PELP1: variants seen among roughly 807,000 people sequenced by gnomAD.
PELP1 encodes proline, glutamate and leucine rich protein 1.
In PELP1, 32 loss-of-function variants were observed where a neutral mutation model predicts 95.5. That is an observed-to-expected ratio of 0.34 (90% CI 0.25 to 0.45). PELP1 has a LOEUF of 0.45. Among genes scored for constraint, PELP1 ranks in the 20% least tolerant of loss-of-function variants. The probability of loss-of-function intolerance (pLI) is 1.00; values close to 1 mark genes in which losing one functional copy is unlikely to be tolerated. For missense variants in PELP1, 1,358 were observed against 1,444.8 expected, an observed-to-expected ratio of 0.94 and a Z score of 0.97; for synonymous variants, 668 against 600.1, an observed-to-expected ratio of 1.11 and a Z score of -1.65.
rs1912228209 is a variant in PELP1 at position 4,672,031 on chromosome 17, G to A, written c.2960C>T (p.Pro987Leu). ...CACCTTTGGGGGAGACTCAGGGGGA[G>A]GCAGAGCTGGAGGCAGGGTTGGGGG... ...PPPPTLPPAL[P>L]PPESPPKVQP... is the part of the protein sequence containing the mutation. The change falls in exon 16 of 17, where the codon CCT (proline) becomes CTT (leucine). Residue 987 changes from proline (P) to leucine (L), a missense_variant. Physicochemically the swap from Pro to Leu is moderately conservative, Grantham distance 98. Transcript: ENST00000572293. 1.9e-6 allele frequency: 3 copies of A among 1,567,342 alleles called. No homozygotes were observed. Among genetic ancestry groups the A allele is most frequent in the Admixed American group, 1.8e-5 (1 of 54,850 alleles).
chr17:4,682,807 G>A lies in PELP1; in HGVS notation c.566C>T (p.Pro189Leu), dbSNP rs759722817. The A allele has an allele frequency of 6.3e-7, 1 of 1,576,608 alleles. No individual in the cohort carries two copies. Among genetic ancestry groups the A allele is most frequent in the Admixed American group, 1.9e-5 (1 of 53,724 alleles). ...GGGTCCAGGGAGACATCTCACCTCT[G>A]GCCTGAGGCCCAGCAGGGAGGTGAG... Reference protein sequence around the residue: ...GLLTSLLGLRPECEQSALEGM... With the variant: ...GLLTSLLGLRLECEQSALEGM... Residue 189 changes from proline (P) to leucine (L), a missense_variant, in exon 4 of 17, where the codon CCA becomes CTA. Pro to Leu is a moderately conservative substitution (Grantham distance 98). Coordinates refer to ENST00000572293, the MANE Select transcript of PELP1 (RefSeq NM_014389.3).
intron 3 of PELP1, among the ~76,000 whole-genome samples, chr17:4,688,525 T>G (rs980210603): frequency 6.6e-6 from 1 of 152,104 alleles, no homozygotes; most frequent in African/African-American, 2.4e-5. Flanking sequence ...TGTATACACA[T>G]CAGCAGCACT....
At position 4,672,901 on chromosome 17, in the gene PELP1, G is replaced by A. The variant is rs558960670; in HGVS notation, c.2090C>T (p.Ser697Leu). The A allele has an allele frequency of 4.5e-5, 73 of 1,613,530 alleles. No individual in the cohort carries two copies. The highest frequency in any genetic ancestry group is 6.0e-5 in the Non-Finnish European group (71 of 1,179,720). The change falls in exon 16 of 17, where the codon TCG (serine) becomes TTG (leucine). Residue 697 changes from serine (S) to leucine (L), a missense_variant. Physicochemically the swap from Ser to Leu is moderately radical, Grantham distance 145. Transcript: ENST00000572293. ...TGTGGTGGGAGGTCCAGGGCGTGCC[G>A]AGGGCACAGGGCCTGCTGAGGGCAT... Reference protein sequence around the residue: ...GPMPSAGPVPSARPGPPTTAN... With the variant: ...GPMPSAGPVPLARPGPPTTAN...
chr17:4,676,831 A>G lies in PELP1; in HGVS notation c.643-19T>C. The G allele has an allele frequency of 2.6e-6, 4 of 1,552,982 alleles. No homozygotes were observed. Among genetic ancestry groups the G allele is most frequent in the South Asian group, 1.2e-5 (1 of 84,246 alleles). On this transcript the variant is annotated intron_variant, in intron 5 of 16. Transcript: ENST00000572293. ...GCTTGCCCTGGATGTGGAGGAAAAAAGGAAGAGGCCAGTGAGCCAGCTCTG... is the reference window on the plus strand; with the variant it reads ...GCTTGCCCTGGATGTGGAGGAAAAAGGGAAGAGGCCAGTGAGCCAGCTCTG...
At chr17:4,696,904 A>G (rs1189295584) in intron 1 of PELP1, 1 of 152,150 alleles carries the variant, frequency 6.6e-6, no homozygotes, top group Non-Finnish European at 1.5e-5. Flanking sequence ...CTAATGCAGG[A>G]GGAGCAGGTT....
Position 4,675,202 on chromosome 17 carries a change from C to T in PELP1, c.1158-7G>A. On this transcript the variant is annotated splice_polypyrimidine_tract_variant and splice_region_variant and intron_variant, in intron 10 of 16. Coordinates refer to ENST00000572293, the MANE Select transcript of PELP1 (RefSeq NM_014389.3). The surrounding 1 kb of genome is among the most constrained non-coding windows in gnomAD (Gnocchi z 4.3). Reference sequence around the variant, plus strand: ...CAAGAGCCGGCTTCCACACCTGGGGCAGAGAAGGAATGGTGACCCTCGTTT... The same window carrying T: ...CAAGAGCCGGCTTCCACACCTGGGGTAGAGAAGGAATGGTGACCCTCGTTT... 6.2e-7 allele frequency: 1 copy of T among 1,612,682 alleles called. No individual in the cohort carries two copies. Among genetic ancestry groups the T allele is most frequent in the Non-Finnish European group, 8.5e-7 (1 of 1,179,376 alleles).
At chr17:4,686,783 G>C (rs1171954822) in intron 3 of PELP1, among the ~76,000 whole-genome samples, 4 of 152,170 alleles carry the variant, frequency 2.6e-5, no homozygotes, top group Non-Finnish European at 5.9e-5. Context: ...CTCCCAAACT[G>C]CTGGGATTAC....
chr17:4,671,631 C>T (rs1477499766), intron 16 of PELP1, 60 bp downstream of exon 16: 30 of 1,600,644 alleles, frequency 1.9e-5, no homozygotes, highest in Middle Eastern at 3.3e-4. Context: ...GCAGCTGCCA[C>T]CCCTTCTCCC....
At chr17:4,702,778 T>C (rs1913594022) in intron 1 of PELP1, among the ~76,000 whole-genome samples, 1 of 152,136 alleles carries the variant, frequency 6.6e-6, no homozygotes, top group Admixed American at 6.6e-5. Flanking sequence ...TTTATGGGTC[T>C]TGAAGGATGG....
chr17:4,697,928 G>T (rs1913357391), intron 1 of PELP1, among the ~76,000 whole-genome samples: 1 of 149,024 alleles, frequency 6.7e-6, no homozygotes, highest in Non-Finnish European at 1.5e-5. Context: ...TAACAGTGAA[G>T]AAATCTGGCA....
chr17:4,671,614 A>G, intron 16 of PELP1, 77 bp downstream of exon 16: 1 of 1,602,760 alleles, frequency 6.2e-7, no homozygotes, highest in Non-Finnish European at 8.5e-7. Context: ...AACCTCTCCT[A>G]AGAGAAGCAG....
At position 4,671,810 on chromosome 17, in the gene PELP1, G is replaced by A. The variant is rs578076890; in HGVS notation, c.3181C>T (p.Pro1061Ser). The A allele has an allele frequency of 1.3e-6, 2 of 1,514,750 alleles. No homozygotes were observed. The highest frequency in any genetic ancestry group is 1.4e-5 in the African/African-American group (1 of 71,654). The allele number at this position is 1,514,750 out of a possible 1,614,324, so 93.8% of individuals were successfully genotyped here. ...QELVEEEPSA[P>S]PTLLEEETED... ...GTCTCCTCTTCCAACAGGGTTGGGGGAGCAGAGGGCTCTTCTTCAACAAGC... is the reference window on the plus strand; with the variant it reads ...GTCTCCTCTTCCAACAGGGTTGGGGAAGCAGAGGGCTCTTCTTCAACAAGC... Residue 1061 changes from proline (P) to serine (S), a missense_variant, in exon 16 of 17, where the codon CCC becomes TCC. Coordinates refer to ENST00000572293, the MANE Select transcript of PELP1 (RefSeq NM_014389.3).
rs758804843 is a variant in PELP1, at chr17:4,676,155, C to T, written c.861G>A (p.Val287=). 6.2e-7 allele frequency: 1 copy of T among 1,613,880 alleles called. No homozygotes were observed. The highest frequency in any genetic ancestry group is 1.1e-5 in the South Asian group (1 of 91,070). The change falls in exon 8 of 17, where the codon GTG becomes GTA. Residue 287 remains valine, a synonymous_variant. Coordinates refer to ENST00000572293, the MANE Select transcript of PELP1 (RefSeq NM_014389.3). ...TCTCCACCCCAGGGCCTTCATTCTG[C>T]ACAGGAGCTGGCAGAAGCACAACTA... is the stretch of plus-strand genomic sequence containing the variant. ...ALYEGAETAP[V]QNEGPGVEML...
At chr17:4,674,224 G>A (rs534516152) in intron 13 of PELP1, among the ~76,000 whole-genome samples, 5 of 152,370 alleles carry the variant, frequency 3.3e-5, no homozygotes, top group African/African-American at 4.8e-5. Flanking sequence ...CAGAGCTCCC[G>A]GTCTAACCGC....
In PELP1 at chr17:4,691,477, C is replaced by T. The variant is rs146756241; in HGVS notation, c.250-35G>A. The T allele has an allele frequency of 4.4e-5, 68 of 1,545,500 alleles. No homozygotes were observed. In the South Asian group the frequency reaches 4.5e-4, roughly 10 times the overall value. ...AGAAAACAGGGAAGCGAGTCACAAA[C>T]GGGATGTTAAAAATGCAGAAGATTC... On this transcript the variant is annotated intron_variant, in intron 1 of 16. Transcript: ENST00000572293.
intron 1 of PELP1, among the ~76,000 whole-genome samples, chr17:4,699,704 A>C (rs1160510690): frequency 6.6e-6 from 1 of 151,808 alleles, no homozygotes; most frequent in African/African-American, 2.4e-5. Context: ...CTCCTGCCTC[A>C]GTCTCCTGAT....
chr17:4,702,071 G>T (rs1913559787), intron 1 of PELP1, among the ~76,000 whole-genome samples: 1 of 152,176 alleles, frequency 6.6e-6, no homozygotes, highest in South Asian at 2.1e-4. Context: ...GATGATGAAA[G>T]AAATCACACA....
chr17:4,699,806 C>G (rs1004728388), intron 1 of PELP1, among the ~76,000 whole-genome samples: 1 of 151,000 alleles, frequency 6.6e-6, no homozygotes, highest in African/African-American at 2.4e-5. Flanking sequence ...AGGCTGGTCT[C>G]GAACTCCTGG....
intron 1 of PELP1, among the ~76,000 whole-genome samples, chr17:4,703,334 T>C (rs1170097212): frequency 2.0e-5 from 3 of 152,170 alleles, no homozygotes; most frequent in Non-Finnish European, 2.9e-5. Flanking sequence ...GGGTCTCAGC[T>C]TAAACGCCGG....
Sources: allele counts gnomAD v4.1 joint callset (sites outside exome capture counted in the v4.1 genomes callset), GRCh38; gene constraint gnomAD v4.1.1; non-coding constraint Gnocchi (gnomAD v3.1); transcripts MANE v1.5; gene names NCBI Gene and HGNC (gene_info 2026-07-23, HGNC 2026-07-21).